LPAR3: variants seen among roughly 807,000 people sequenced by gnomAD.
The protein encoded by LPAR3 is LPA receptor 3.
Under a neutral mutation model 17.8 loss-of-function variants are expected in LPAR3, and 7 were observed. The observed-to-expected ratio is 0.39, with a 90% CI of 0.22 to 0.74. The LOEUF (loss-of-function observed/expected upper bound fraction) is 0.74. LPAR3 is among the 30% of genes least tolerant of loss of function. The pLI is 0.40. For synonymous variants in LPAR3, 179 were observed against 179.9 expected (o/e 0.99, Z 0.04); for missense variants, 391 against 453.4 (o/e 0.86, Z 1.25).
intron 2 of LPAR3, among the ~76,000 whole-genome samples, chr1:84,849,961 G>A (rs1659671833): frequency 1.3e-5 from 2 of 152,142 alleles, no homozygotes; most frequent in African/African-American, 4.8e-5. Context: ...GGGCGGCCCT[G>A]TGTGATCACG....
intron 2 of LPAR3, among the ~76,000 whole-genome samples, chr1:84,821,190 C>G (rs1330530104): frequency 6.7e-6 from 1 of 149,948 alleles, no homozygotes; most frequent in Admixed American, 6.7e-5. Flanking sequence ...AAGGAAATAT[C>G]TCGTTAAACT....
chr1:84,840,215 A>G (rs1659481396), intron 2 of LPAR3, among the ~76,000 whole-genome samples: 1 of 152,226 alleles, frequency 6.6e-6, no homozygotes, highest in Non-Finnish European at 1.5e-5. Flanking sequence ...ATGAGCCGCC[A>G]TGCCTGACCA....
At chr1:84,882,820 TA>T (rs960384611) in intron 1 of LPAR3, among the ~76,000 whole-genome samples, 6 of 151,128 alleles carry the variant, frequency 4.0e-5, no homozygotes, top group African/African-American at 7.3e-5. Flanking sequence ...AGTATAATAA[TA>T]AAAAAAAATG....
At chr1:84,827,765 A>T (rs566037332) in intron 2 of LPAR3, among the ~76,000 whole-genome samples, 59 of 152,316 alleles carry the variant, frequency 3.9e-4, no homozygotes, top group African/African-American at 1.4e-3. Flanking sequence ...ATCATGAATA[A>T]AGCACATTGA....
At position 84,834,428 on chromosome 1, in the gene LPAR3, G is replaced by C. The variant is rs77009854; in HGVS notation, c.737-20257C>G. ...GGTTGGAGACGATAGCAAATGAGAA[G>C]ATAGATGAGCAGAAGTGATGTTACT... On this transcript the variant is annotated intron_variant, in intron 2 of 2. Transcript: ENST00000370611. 1.7e-3 allele frequency among the ~76,000 whole-genome samples: 252 copies of C among 152,302 alleles called. 7 individuals carry two copies. In the East Asian group the frequency reaches 0.042, roughly 26 times the overall value.
At position 84,838,274 on chromosome 1, in the gene LPAR3, C is replaced by T. The variant is rs74884764; in HGVS notation, c.737-24103G>A. On this transcript the variant is annotated intron_variant, in intron 2 of 2. Transcript: ENST00000370611. ...ATGAATGCTAAGAAAACTGTGCCAG[C>T]CAGCATTGACACGGGGATCCATGGT... Among the ~76,000 whole-genome samples the T allele has an allele frequency of 2.0e-3, 297 of 152,300 alleles. 1 individual carries two copies. The highest frequency in any genetic ancestry group is 7.0e-3 in the African/African-American group (289 of 41,558).
chr1:84,817,261 T>TCTCA (rs374303505), intron 2 of LPAR3, among the ~76,000 whole-genome samples: 2 of 147,428 alleles, frequency 1.4e-5, no homozygotes, highest in African/African-American at 5.1e-5. Flanking sequence ...CCAGGATCTA[T>TCTCA]CACACACACA....
intron 2 of LPAR3, among the ~76,000 whole-genome samples, chr1:84,862,790 A>C (rs1485282488): frequency 6.6e-6 from 1 of 152,218 alleles, no homozygotes; most frequent in Non-Finnish European, 1.5e-5. Context: ...AGGAGTAGAC[A>C]GAAATGTACT....
rs1049883728 is a variant in LPAR3 at position 84,813,218 on chromosome 1, C to A, written c.*628G>T. On this transcript the variant is annotated 3_prime_UTR_variant, in exon 3 of 3. Coordinates refer to ENST00000370611, the MANE Select transcript of LPAR3 (RefSeq NM_012152.3). ...ACACACACATGCATGGAGGACCATACTAAGGCCTTTTTCAGGTCAAAAAGG... is the reference window on the plus strand; with the variant it reads ...ACACACACATGCATGGAGGACCATAATAAGGCCTTTTTCAGGTCAAAAAGG... 6.9e-6 allele frequency: 1 copy of A among 144,948 alleles called. No individual in the cohort carries two copies. Among genetic ancestry groups the A allele is most frequent in the Non-Finnish European group, 1.5e-5 (1 of 66,996 alleles). 9.0% of individuals were successfully genotyped at this position (144,948 alleles called of 1,614,324 possible).
At chr1:84,859,647 C>T (rs1659897316) in intron 2 of LPAR3, among the ~76,000 whole-genome samples, 1 of 152,134 alleles carries the variant, frequency 6.6e-6, no homozygotes, top group Admixed American at 6.5e-5. Flanking sequence ...ATTTTCTCTT[C>T]TTTTTATGTC....
chr1:84,815,826 A>T (rs1202627304), intron 2 of LPAR3, among the ~76,000 whole-genome samples: 1 of 152,122 alleles, frequency 6.6e-6, no homozygotes, highest in Non-Finnish European at 1.5e-5. Flanking sequence ...AAAAATATCT[A>T]TATGTTTAGT....
At chr1:84,817,890 G>A (rs879699869) in intron 2 of LPAR3, among the ~76,000 whole-genome samples, 4 of 152,176 alleles carry the variant, frequency 2.6e-5, no homozygotes, top group South Asian at 2.1e-4. Context: ...GACATACTAC[G>A]GAGGGGCCCT....
At chr1:84,848,290 C>T (rs1659630810) in intron 2 of LPAR3, among the ~76,000 whole-genome samples, 1 of 152,206 alleles carries the variant, frequency 6.6e-6, no homozygotes, top group African/African-American at 2.4e-5. Context: ...AAGCCTTCAA[C>T]TTAAGAACCC....
chr1:84,873,634 G>A (rs145321942), intron 1 of LPAR3, among the ~76,000 whole-genome samples: 3 of 152,206 alleles, frequency 2.0e-5, no homozygotes, highest in African/African-American at 4.8e-5. Context: ...GTTACAATTC[G>A]GTTTCTGTAT....
At chr1:84,843,736 T>C (rs1399315323) in intron 2 of LPAR3, among the ~76,000 whole-genome samples, 1 of 152,246 alleles carries the variant, frequency 6.6e-6, no homozygotes, top group East Asian at 1.9e-4. Context: ...ATAAAGAAAG[T>C]AAGTAGCCCA....
chr1:84,814,734 T>A (rs1356409564), intron 2 of LPAR3, among the ~76,000 whole-genome samples: 1 of 152,260 alleles, frequency 6.6e-6, no homozygotes. Context: ...TCATTCTTCA[T>A]AAATTCATGT....
chr1:84,884,704 G>A (rs1202057448), intron 1 of LPAR3, among the ~76,000 whole-genome samples: 1 of 152,144 alleles, frequency 6.6e-6, no homozygotes, highest in Non-Finnish European at 1.5e-5. Flanking sequence ...AGCTGAAATA[G>A]GCCACAGACC....
At chr1:84,885,528 A>G (rs1300430612) in intron 1 of LPAR3, among the ~76,000 whole-genome samples, 1 of 152,078 alleles carries the variant, frequency 6.6e-6, no homozygotes, top group Non-Finnish European at 1.5e-5. Flanking sequence ...TTCCATTCCT[A>G]TTTTCTTTCT....
At chr1:84,839,681 G>GTAAAATAAAATAAAA (rs149291447) in intron 2 of LPAR3, among the ~76,000 whole-genome samples, 5 of 149,410 alleles carry the variant, frequency 3.3e-5, no homozygotes, top group African/African-American at 1.2e-4. Flanking sequence ...AAATAAATAC[G>GTAAAATAAAATAAAA]TAAAATAAAA....
Sources: gnomAD v4.1 joint callset for allele counts (sites outside exome capture counted in the v4.1 genomes callset) on GRCh38, gnomAD v4.1.1 for gene constraint, MANE v1.5 for transcripts, NCBI Gene and HGNC (gene_info 2026-07-23, HGNC 2026-07-21) for gene names.